GUCY1A2: variants seen among roughly 807,000 people sequenced by gnomAD.
The protein encoded by GUCY1A2 is guanylate cyclase soluble subunit alpha-2.
GUCY1A2 carries 27 observed loss-of-function variants against 63.5 expected under a neutral mutation model. The ratio of observed to expected loss-of-function variants is 0.43; its 90% CI spans 0.31 to 0.59. The LOEUF (loss-of-function observed/expected upper bound fraction) is 0.59, where lower values mean the gene tolerates loss of function less well. Among genes scored for constraint, GUCY1A2 ranks in the 20% least tolerant of loss-of-function variants. The pLI is 0.11. For synonymous variants in GUCY1A2, 364 were observed against 343.5 expected (o/e 1.06, Z -0.66); for missense variants, 768 against 913.3 (o/e 0.84, Z 2.05).
intron 4 of GUCY1A2, among the ~76,000 whole-genome samples, chr11:106,823,365 G>A (rs568778208): frequency 7.2e-5 from 11 of 152,222 alleles, no homozygotes; most frequent in Non-Finnish European, 1.0e-4. Flanking sequence ...CTGCTTCTGA[G>A]TTAGTTCACT....
At chr11:106,850,774 G>A (rs1210365235) in intron 4 of GUCY1A2, among the ~76,000 whole-genome samples, 1 of 151,758 alleles carries the variant, frequency 6.6e-6, no homozygotes, top group African/African-American at 2.4e-5. Flanking sequence ...CTATATATTA[G>A]CTATTGTAAA....
intron 1 of GUCY1A2, among the ~76,000 whole-genome samples, chr11:107,002,018 CAAA>C (rs142852537): frequency 9.9e-6 from 1 of 100,768 alleles, no homozygotes; most frequent in African/African-American, 3.6e-5. Flanking sequence ...GACTCTGTCT[CAAA>C]AAAAAAAAAA....
chr11:107,007,195 T>G (rs1000964274), intron 1 of GUCY1A2, among the ~76,000 whole-genome samples: 1 of 152,192 alleles, frequency 6.6e-6, no homozygotes, highest in Non-Finnish European at 1.5e-5. Context: ...TTTGAAAGCA[T>G]GATGTAAATA....
At chr11:106,837,333 C>T (rs1116708) in intron 4 of GUCY1A2, among the ~76,000 whole-genome samples, 138,389 of 152,048 alleles carry the variant, frequency 0.91, 63,060 homozygotes, top group East Asian at 1. Flanking sequence ...TGATGTAGTT[C>T]TTTATGGCTG....
At chr11:106,716,955 A>C (rs116652316) in intron 6 of GUCY1A2, among the ~76,000 whole-genome samples, 4,202 of 152,140 alleles carry the variant, frequency 0.028, 160 homozygotes, top group East Asian at 0.086. Flanking sequence ...CTGGGGCTGC[A>C]GCAGATCCGC....
At chr11:106,854,725 T>C (rs1859404052) in intron 4 of GUCY1A2, among the ~76,000 whole-genome samples, 1 of 152,034 alleles carries the variant, frequency 6.6e-6, no homozygotes, top group Admixed American at 6.5e-5. Flanking sequence ...AGGGTGTATG[T>C]GGGCACTGGA....
At chr11:106,784,947 C>A (rs754507178) in intron 5 of GUCY1A2, among the ~76,000 whole-genome samples, 1 of 152,146 alleles carries the variant, frequency 6.6e-6, no homozygotes, top group East Asian at 1.9e-4. Flanking sequence ...ATATGAAGAA[C>A]TGAAAGTCCT....
At chr11:106,886,381 G>A (rs957538849) in intron 4 of GUCY1A2, among the ~76,000 whole-genome samples, 3 of 152,026 alleles carry the variant, frequency 2.0e-5, no homozygotes, top group Non-Finnish European at 4.4e-5. Context: ...AAGGTGTCTA[G>A]ATATCTGAAA....
At chr11:106,787,089 A>AT (rs988611694) in intron 5 of GUCY1A2, among the ~76,000 whole-genome samples, 15 of 151,604 alleles carry the variant, frequency 9.9e-5, no homozygotes, top group Non-Finnish European at 1.9e-4. Flanking sequence ...TTTTTTTAGT[A>AT]TTTTTTGTGT....
At chr11:106,833,393 G>A (rs1255442232) in intron 4 of GUCY1A2, among the ~76,000 whole-genome samples, 1 of 152,074 alleles carries the variant, frequency 6.6e-6, no homozygotes, top group Non-Finnish European at 1.5e-5. Flanking sequence ...TGGTCCGCCT[G>A]TGATCTAACA....
chr11:106,712,896 T>C (rs887522032), intron 6 of GUCY1A2, among the ~76,000 whole-genome samples: 2 of 152,316 alleles, frequency 1.3e-5, no homozygotes, highest in East Asian at 3.9e-4. Context: ...AGGGCTCAAG[T>C]AGTTTCTTCA....
chr11:106,839,197 T>C (rs1424755950), intron 4 of GUCY1A2, among the ~76,000 whole-genome samples: 1 of 152,026 alleles, frequency 6.6e-6, no homozygotes, highest in African/African-American at 2.4e-5. Flanking sequence ...TACATATGGC[T>C]AGCCAGTTTT....
At chr11:106,766,509 G>T (rs1864165834) in intron 6 of GUCY1A2, among the ~76,000 whole-genome samples, 1 of 151,940 alleles carries the variant, frequency 6.6e-6, no homozygotes, top group South Asian at 2.1e-4. Flanking sequence ...AATTATAGGT[G>T]ATTTTAACTA....
chr11:106,778,518 G>A (rs1056545836), intron 5 of GUCY1A2, among the ~76,000 whole-genome samples: 6 of 152,134 alleles, frequency 3.9e-5, no homozygotes, highest in East Asian at 1.9e-4. Flanking sequence ...AGAATTAGCC[G>A]GGCATGATGG....
At chr11:106,769,131 T>C (rs1301885470) in intron 6 of GUCY1A2, among the ~76,000 whole-genome samples, 2 of 146,686 alleles carry the variant, frequency 1.4e-5, no homozygotes, top group African/African-American at 4.9e-5. Flanking sequence ...ATCTCCAGCA[T>C]TCAAACAAAA....
At chr11:106,949,211 T>C (rs1223186409) in intron 3 of GUCY1A2, among the ~76,000 whole-genome samples, 2 of 105,450 alleles carry the variant, frequency 1.9e-5, no homozygotes. Context: ...ATTATACATC[T>C]CATCATATTG....
intron 6 of GUCY1A2, among the ~76,000 whole-genome samples, chr11:106,758,593 G>A (rs1203998054): frequency 6.6e-6 from 1 of 152,156 alleles, no homozygotes; most frequent in African/African-American, 2.4e-5. Context: ...TGATCTCACT[G>A]GGAGCTGCAG....
intron 7 of GUCY1A2, among the ~76,000 whole-genome samples, chr11:106,690,996 TAATC>T (rs1862614039): frequency 6.6e-6 from 1 of 152,240 alleles, no homozygotes; most frequent in Admixed American, 6.5e-5. Context: ...TATTAATATA[TAATC>T]AGTCACTTCA....
At chr11:106,737,629 A>G (rs1863614332) in intron 6 of GUCY1A2, among the ~76,000 whole-genome samples, 1 of 152,072 alleles carries the variant, frequency 6.6e-6, no homozygotes, top group African/African-American at 2.4e-5. Context: ...ACTCCCACTT[A>G]TGAGTGAGAA....
Sources: gnomAD v4.1 joint callset for allele counts (sites outside exome capture counted in the v4.1 genomes callset) on GRCh38, gnomAD v4.1.1 for gene constraint, MANE v1.5 for transcripts, NCBI Gene and HGNC (gene_info 2026-07-23, HGNC 2026-07-21) for gene names.